ALS2: variants seen among roughly 807,000 people sequenced by gnomAD.
ALS2 encodes the protein alsin.
In ALS2, 117 loss-of-function variants were observed where a neutral mutation model predicts 203.4. That is an observed-to-expected ratio of 0.58 (90% confidence interval 0.50 to 0.67). The LOEUF (loss-of-function observed/expected upper bound fraction) is 0.67, where lower values mean the gene tolerates loss of function less well. Ranked by LOEUF, ALS2 falls within the 30% of genes least tolerant of loss-of-function variation. ALS2 has a pLI of 0.00. For synonymous variants in ALS2, 718 were observed against 725.9 expected (o/e 0.99, Z 0.17); for missense variants, 1,715 against 1,989.4 (o/e 0.86, Z 2.62).
chr2:201,717,127 T>A (rs941571179), intron 24 of ALS2, among the ~76,000 whole-genome samples: 4 of 152,064 alleles, frequency 2.6e-5, no homozygotes, highest in Non-Finnish European at 4.4e-5. Flanking sequence ...TGTGTGTATG[T>A]TCTTTACTTT....
chr2:201,775,388 T>C (rs1694610992), intron 1 of ALS2, among the ~76,000 whole-genome samples: 2 of 152,228 alleles, frequency 1.3e-5, no homozygotes, highest in Non-Finnish European at 2.9e-5. Flanking sequence ...ATTATTACAA[T>C]GTAGTAAACC....
intron 24 of ALS2, among the ~76,000 whole-genome samples, chr2:201,717,099 C>A (rs1690449847): frequency 6.6e-6 from 1 of 151,982 alleles, no homozygotes; most frequent in Admixed American, 6.6e-5. Flanking sequence ...TTTTACTATT[C>A]CACTTGGGGT....
chr2:201,729,891 A>C (rs898280770), intron 13 of ALS2, among the ~76,000 whole-genome samples: 12 of 151,730 alleles, frequency 7.9e-5, no homozygotes, highest in South Asian at 2.1e-4. Flanking sequence ...AAAAAAAAAA[A>C]AAAAAAAAAA....
At chr2:201,704,086 G>A (rs1190957170) in intron 33 of ALS2, 36 bp downstream of exon 33, 1 of 1,537,768 alleles carries the variant, frequency 6.5e-7, no homozygotes, top group Non-Finnish European at 9.0e-7. Context: ...AGACAGATAT[G>A]AAGATAAGAA....
At chr2:201,704,704 T>TAAGTGTCCGGGTTAAGGCATG in intron 31 of ALS2, 101 bp from the exon 32 acceptor site, 2 of 1,350,186 alleles carry the variant, frequency 1.5e-6, no homozygotes, top group Non-Finnish European at 2.1e-6. Context: ...TTCACATGCC[T>TAAGTGTCCGGGTTAAGGCATG]TAACCCGGAC....
rs1693772859 is a variant in ALS2, at chr2:201,761,605, T to C, written c.389A>G (p.Tyr130Cys). The C allele has an allele frequency of 2.5e-6, 4 of 1,614,116 alleles. No individual in the cohort carries two copies. The highest frequency in any genetic ancestry group is 1.7e-5 in the Admixed American group (1 of 60,000). ...GCTGACAGGATTTGGTTCCGGCACA[T>C]ACTGCTGGTTGGCTACTGCACACTG... ...AGQCAVANQQYVPEPNPVSIA... is the reference protein window; with the variant it reads ...AGQCAVANQQCVPEPNPVSIA... The change falls in exon 4 of 34, where the codon TAT becomes TGT. Residue 130 changes from tyrosine (Y) to cysteine (C), a missense_variant. Transcript: ENST00000264276.
chr2:201,777,449 CAT>C (rs1694710278), intron 1 of ALS2, among the ~76,000 whole-genome samples: 2 of 152,060 alleles, frequency 1.3e-5, no homozygotes, highest in South Asian at 4.1e-4. Flanking sequence ...ATAAAGCAAA[CAT>C]ATTGGGAAAC....
chr2:201,771,042 ATTTTTTTT>A (rs34578117), intron 1 of ALS2, among the ~76,000 whole-genome samples: 2 of 104,406 alleles, frequency 1.9e-5, no homozygotes, highest in Non-Finnish European at 3.9e-5. Flanking sequence ...GTATTTACAG[ATTTTTTTT>A]TTTTTTTTTT....
In ALS2 at chr2:201,701,778, C is replaced by T. The variant is rs1229960381; in HGVS notation, c.*73G>A. The T allele has an allele frequency of 7.1e-6, 10 of 1,406,552 alleles. No homozygotes were observed. The highest frequency in any genetic ancestry group is 1.0e-5 in the Non-Finnish European group (10 of 995,182). The allele number at this position is 1,406,552 out of a possible 1,614,324, so 87.1% of individuals were successfully genotyped here. On this transcript the variant is annotated 3_prime_UTR_variant, in exon 34 of 34. Coordinates refer to ENST00000264276, the MANE Select transcript of ALS2 (RefSeq NM_020919.4). Reference sequence around the variant, plus strand: ...CAATTTCAACACTGTTCTTTTTTGCCACTACAGGAAGACTCCAGATGGTGT... The same window carrying T: ...CAATTTCAACACTGTTCTTTTTTGCTACTACAGGAAGACTCCAGATGGTGT...
At position 201,744,340 on chromosome 2, in the gene ALS2, G is replaced by C; in HGVS notation, c.2088C>G (p.His696Gln). 6.2e-7 allele frequency: 1 copy of C among 1,613,836 alleles called. No individual in the cohort carries two copies. The highest frequency in any genetic ancestry group is 8.5e-7 in the Non-Finnish European group (1 of 1,179,766). Residue 696 changes from histidine (H) to glutamine (Q), a missense_variant, in exon 10 of 34, where the codon CAC (histidine) becomes CAG (glutamine). By Grantham distance (24) the His-to-Gln change is conservative (BLOSUM62 0). Around this residue, in one of 3 missense-constraint regions of ALS2, gnomAD observed 1,227 missense variants for 1,413.5 expected, o/e 0.87. Coordinates refer to ENST00000264276, the MANE Select transcript of ALS2 (RefSeq NM_020919.4). Reference sequence around the variant, plus strand: ...ATCGTCTTTCTGTAGTAGCTAACTCGTGGAGACTGGCAATATACCCCATAA... The same window carrying C: ...ATCGTCTTTCTGTAGTAGCTAACTCCTGGAGACTGGCAATATACCCCATAA... ...KNIMGYIASLHELATTERRFY... is the reference protein window; with the variant it reads ...KNIMGYIASLQELATTERRFY...
chr2:201,754,786 G>A, intron 5 of ALS2, 115 bp from the exon 6 acceptor site: 1 of 1,152,474 alleles, frequency 8.7e-7, no homozygotes. Context: ...TATTTTTGAA[G>A]CATATTCTAG....
chr2:201,754,686 G>A lies in ALS2; in HGVS notation c.1472-15C>T. On this transcript the variant is annotated splice_polypyrimidine_tract_variant and intron_variant, in intron 5 of 33. Transcript: ENST00000264276. The stretch of plus-strand genomic sequence containing the variant: ...CCTGGGGGAAACTGAAAACCAACCA[G>A]ACGTGGGGTGAAGGAGTGGGAGTCC... 1 of 1,614,042 alleles carries A rather than the reference G, an allele frequency of 6.2e-7. No homozygotes were observed. The highest frequency in any genetic ancestry group is 1.7e-5 in the Admixed American group (1 of 60,012).
At chr2:201,773,880 G>A (rs946549290) in intron 1 of ALS2, among the ~76,000 whole-genome samples, 2 of 152,180 alleles carry the variant, frequency 1.3e-5, no homozygotes, top group African/African-American at 4.8e-5. Context: ...CAGGGAGGAC[G>A]TCAATTAGGT....
At chr2:201,739,884 A>G (rs1692154830) in intron 11 of ALS2, among the ~76,000 whole-genome samples, 1 of 152,230 alleles carries the variant, frequency 6.6e-6, no homozygotes, top group South Asian at 2.1e-4. Flanking sequence ...TGAGCCCTGT[A>G]CATTTCTTGT....
At chr2:201,703,038 C>G (rs1689486201) in intron 33 of ALS2, among the ~76,000 whole-genome samples, 1 of 152,154 alleles carries the variant, frequency 6.6e-6, no homozygotes, top group Non-Finnish European at 1.5e-5. Flanking sequence ...ATCACTTGAA[C>G]CTGGGAAGTG....
intron 1 of ALS2, among the ~76,000 whole-genome samples, chr2:201,777,425 G>A (rs1217348467): frequency 6.6e-6 from 1 of 151,962 alleles, no homozygotes; most frequent in South Asian, 2.1e-4. Context: ...CCTAATTTGA[G>A]GGTACAAAGT....
intron 9 of ALS2, among the ~76,000 whole-genome samples, chr2:201,745,815 G>C (rs559996244): frequency 5.3e-5 from 8 of 152,262 alleles, no homozygotes; most frequent in East Asian, 3.9e-4. Context: ...TGGGCGTGGT[G>C]GTGGGCACCT....
At chr2:201,739,657 C>A (rs1170186377) in intron 11 of ALS2, among the ~76,000 whole-genome samples, 1 of 151,440 alleles carries the variant, frequency 6.6e-6, no homozygotes, top group Admixed American at 6.6e-5. Flanking sequence ...GCAGAAGAAT[C>A]GCTTGAACTT....
At chr2:201,743,410 G>A (rs6435101) in intron 10 of ALS2, among the ~76,000 whole-genome samples, 5,845 of 152,094 alleles carry the variant, frequency 0.038, 129 homozygotes, top group Non-Finnish European at 0.05. Context: ...GTATTACCCC[G>A]TCACTTCCAA....
Sources: gnomAD v4.1 joint callset for allele counts (sites outside exome capture counted in the v4.1 genomes callset) on GRCh38, gnomAD v4.1.1 for gene constraint, gnomAD v4.1.1 regional missense constraint, MANE v1.5 for transcripts, NCBI Gene and HGNC (gene_info 2026-07-23, HGNC 2026-07-21) for gene names.